Variants in PDHB observed in about 807,000 individuals in gnomAD.
The protein encoded by PDHB is pyruvate dehydrogenase E1 component subunit beta, mitochondrial.
In PDHB, 17 loss-of-function variants were observed where a neutral mutation model predicts 42.8. The ratio of observed to expected loss-of-function variants is 0.40; its 90% CI spans 0.27 to 0.60. The LOEUF (loss-of-function observed/expected upper bound fraction) is 0.60, where lower values mean the gene tolerates loss of function less well. PDHB is among the 20% of genes least tolerant of loss of function. The pLI, the probability that PDHB is intolerant of heterozygous loss-of-function variation, is 0.46. For missense variants in PDHB, 322 were observed against 451.3 expected (o/e 0.71, Z 2.60); for synonymous variants, 154 against 148.7 (o/e 1.04, Z -0.26).
At position 58,427,952 on chromosome 3, in the gene PDHB, G is replaced by T; in HGVS notation, c.*82C>A. The T allele has an allele frequency of 9.9e-7, 1 of 1,013,914 alleles. No individual in the cohort carries two copies. Among genetic ancestry groups the T allele is most frequent in the Non-Finnish European group, 1.5e-6 (1 of 654,554 alleles). The allele number at this position is 1,013,914 out of a possible 1,614,324, so 62.8% of individuals were successfully genotyped here. ...TAGAAATCGTTTTCCGTTATGAATA[G>T]TCAGGTCTTGCAGTACAAATCCAGG... On this transcript the variant is annotated 3_prime_UTR_variant, in exon 10 of 10. Transcript: ENST00000302746.
rs1418680590 is a variant in PDHB at position 58,428,184 on chromosome 3, G to A, written c.935-5C>T. ...CCAGGAAATTGAACGCAGGACCTAG[G>A]AGAAGGAAGGCTCAACTGAGAGAGT... On this transcript the variant is annotated splice_polypyrimidine_tract_variant and splice_region_variant and intron_variant, in intron 9 of 9. Transcript: ENST00000302746. 1 of 1,613,926 alleles carries A rather than the reference G, an allele frequency of 6.2e-7. No individual in the cohort carries two copies. Among genetic ancestry groups the A allele is most frequent in the African/African-American group, 1.3e-5 (1 of 75,050 alleles).
In PDHB at chr3:58,431,179, T is replaced by G. The variant is rs7636609; in HGVS notation, c.304-237A>C. On this transcript the variant is annotated intron_variant, in intron 5 of 9. Coordinates refer to ENST00000302746, the MANE Select transcript of PDHB (RefSeq NM_000925.4). The surrounding 1 kb of genome is among the most constrained non-coding windows in gnomAD (Gnocchi z 4.4). ...CCTCAGCATCCCGAGTAGCTGGGAC[T>G]GCAGGCAAGCACCACCACATCTACC... The G allele has an allele frequency of 0.092, 51,920 of 565,366 alleles. 3,653 individuals are homozygous for G. Among genetic ancestry groups the G allele is most frequent in the African/African-American group, 0.27 (14,547 of 53,276 alleles). 35.0% of individuals were successfully genotyped at this position (565,366 alleles called of 1,614,324 possible). A position where few individuals can be genotyped will look rare whatever the true frequency, so the allele number is the denominator to read the frequency against.
Position 58,433,820 on chromosome 3 carries a change from T to G in PDHB, c.-11A>C. 6.2e-7 allele frequency: 1 copy of G among 1,609,372 alleles called. No individual in the cohort carries two copies. The highest frequency in any genetic ancestry group is 8.5e-7 in the Non-Finnish European group (1 of 1,178,592). ...AGACACCGCCGCCATCTTGGTCGTG[T>G]CCTCTATCCGCTGCCAAACGACAAC... On this transcript the variant is annotated 5_prime_UTR_variant, in exon 1 of 10. Transcript: ENST00000302746.
chr3:58,428,437 C>T (rs1168380552), intron 9 of PDHB, 36 bp downstream of exon 9: 2 of 1,607,586 alleles, frequency 1.2e-6, no homozygotes, highest in East Asian at 2.2e-5. Flanking sequence ...TTTACTATAG[C>T]TTGACTGTAT....
At chr3:58,432,134 T>C (rs1460331170) in intron 2 of PDHB, 150 bp from the exon 3 acceptor site, 4 of 688,778 alleles carry the variant, frequency 5.8e-6, no homozygotes, top group Non-Finnish European at 8.0e-6. Flanking sequence ...ATTCTAAAAG[T>C]AACATTTCTA....
chr3:58,431,426 T>C lies in PDHB; in HGVS notation c.303+167A>G. Reference sequence around the variant, plus strand: ...TGGCTAGGCACAGTGGCGCGACCTGTAACCCCAGCCACTATGGAGGCTGAG... The same window carrying C: ...TGGCTAGGCACAGTGGCGCGACCTGCAACCCCAGCCACTATGGAGGCTGAG... On this transcript the variant is annotated intron_variant, in intron 5 of 9. Coordinates refer to ENST00000302746, the MANE Select transcript of PDHB (RefSeq NM_000925.4). The surrounding 1 kb of genome is among the most constrained non-coding windows in gnomAD (Gnocchi z 4.4). The C allele has an allele frequency of 1.5e-6, 1 of 667,010 alleles. No individual in the cohort carries two copies. The highest frequency in any genetic ancestry group is 2.7e-5 in the East Asian group (1 of 37,384). The allele number at this position is 667,010 out of a possible 1,614,324, so 41.3% of individuals were successfully genotyped here. A position where few individuals can be genotyped will look rare whatever the true frequency, so the allele number is the denominator to read the frequency against.
chr3:58,433,556 C>T, intron 2 of PDHB, 75 bp downstream of exon 2: 13 of 1,493,816 alleles, frequency 8.7e-6, no homozygotes, highest in Non-Finnish European at 1.2e-5. Context: ...ACAGCGCAGG[C>T]GCGACTCCGG....
intron 9 of PDHB, 46 bp downstream of exon 9, chr3:58,428,427 T>C (rs2062892013): frequency 6.3e-7 from 1 of 1,597,318 alleles, no homozygotes; most frequent in African/African-American, 1.3e-5. Flanking sequence ...GTACATGATG[T>C]TTACTATAGC....
chr3:58,433,209 G>A, intron 2 of PDHB: 1 of 261,220 alleles, frequency 3.8e-6, no homozygotes, highest in Non-Finnish European at 7.4e-6. Context: ...AGGGAAATGA[G>A]GAGTTACCGA....
intron 2 of PDHB, 138 bp from the exon 3 acceptor site, chr3:58,432,122 G>A (rs2062925783): frequency 1.4e-6 from 1 of 705,842 alleles, no homozygotes; most frequent in South Asian, 1.6e-5. Flanking sequence ...AAAACTCAAA[G>A]AATTCTAAAA....
Position 58,431,556 on chromosome 3 carries a change from A to G in PDHB, c.303+37T>C, listed in dbSNP as rs2062920761. ...AAAAGAAAAAAAAAGAAAACAAGAA[A>G]TGTCTTTGGATAAGTTTCATAAAGA... On this transcript the variant is annotated intron_variant, in intron 5 of 9. Transcript: ENST00000302746. This position sits in a 1 kb window ranked among gnomAD's most constrained non-coding sequence, Gnocchi z 4.4. 17 of 1,528,172 alleles carry G rather than the reference A, an allele frequency of 1.1e-5. No individual in the cohort carries two copies. The highest frequency in any genetic ancestry group is 1.4e-5 in the Non-Finnish European group (16 of 1,103,844). 94.7% of individuals were successfully genotyped at this position (1,528,172 alleles called of 1,614,324 possible).
chr3:58,431,253 T>C lies in PDHB; in HGVS notation c.304-311A>G. 2 of 463,504 alleles carry C rather than the reference T, an allele frequency of 4.3e-6. No homozygotes were observed. The highest frequency in any genetic ancestry group is 7.8e-6 in the Non-Finnish European group (2 of 254,882). The allele number at this position is 463,504 out of a possible 1,614,324, so 28.7% of individuals were successfully genotyped here. On this transcript the variant is annotated intron_variant, in intron 5 of 9. Coordinates refer to ENST00000302746, the MANE Select transcript of PDHB (RefSeq NM_000925.4). This position sits in a 1 kb window ranked among gnomAD's most constrained non-coding sequence, Gnocchi z 4.4. ...CAAATGATGTTTTTAAAAGGTGATG[T>C]TAAATCTCTTTGGGGATGGGCACAG...
rs758723673 is a variant in PDHB at position 58,433,751 on chromosome 3, C to G, written c.42+17G>C. The G allele has an allele frequency of 2.5e-6, 4 of 1,612,190 alleles. No individual in the cohort carries two copies. The South Asian group carries it at 4.4e-5, about 18-fold the overall frequency. Reference sequence around the variant, plus strand: ...GCAGGGGTCGCGTGGGAATACAGGCCGCGCGCTGCTGCCTACCTCCCGAAG... The same window carrying G: ...GCAGGGGTCGCGTGGGAATACAGGCGGCGCGCTGCTGCCTACCTCCCGAAG... On this transcript the variant is annotated intron_variant, in intron 1 of 9. Transcript: ENST00000302746.
In PDHB at chr3:58,431,664, T is replaced by C. The variant is rs537881892; in HGVS notation, c.268-36A>G. 12 of 1,606,232 alleles carry C rather than the reference T, an allele frequency of 7.5e-6. No individual in the cohort carries two copies. In the East Asian group the frequency reaches 2.0e-4, roughly 27 times the overall value. ...AAATATAAACATAAGTGAAAATCCA[T>C]AAAAATGAGGATAATGGACACTAAC... On this transcript the variant is annotated intron_variant, in intron 4 of 9. Coordinates refer to ENST00000302746, the MANE Select transcript of PDHB (RefSeq NM_000925.4). The surrounding 1 kb of genome is among the most constrained non-coding windows in gnomAD (Gnocchi z 4.4).
intron 2 of PDHB, chr3:58,432,713 G>A (rs1220531557): frequency 6.7e-6 from 1 of 149,230 alleles, no homozygotes; most frequent in Non-Finnish European, 1.5e-5. Context: ...AAAAGAAAAT[G>A]TCGGGCTGAG....
At position 58,431,319 on chromosome 3, in the gene PDHB, C is replaced by T. The variant is rs897192431; in HGVS notation, c.303+274G>A. 3.0e-5 allele frequency: 14 copies of T among 474,142 alleles called. No individual in the cohort carries two copies. Among genetic ancestry groups the T allele is most frequent in the East Asian group, 1.6e-4 (4 of 24,546 alleles). 29.4% of individuals were successfully genotyped at this position (474,142 alleles called of 1,614,324 possible). A position where few individuals can be genotyped will look rare whatever the true frequency, so the allele number is the denominator to read the frequency against. On this transcript the variant is annotated intron_variant, in intron 5 of 9. Transcript: ENST00000302746. The surrounding 1 kb of genome is among the most constrained non-coding windows in gnomAD (Gnocchi z 4.4). ...ATCCCAGCACTTTGGGAGGCCAAGG[C>T]GGTCGGATCACTTGAGGCCAGGAGT...
chr3:58,431,371 A>G lies in PDHB; in HGVS notation c.303+222T>C, dbSNP rs2062918754. ...CAAGACCAGCCTGGCCAACATGGTA[A>G]AACCCCATCTCTACTAAAAACACAA... On this transcript the variant is annotated intron_variant, in intron 5 of 9. Transcript: ENST00000302746. The surrounding 1 kb of genome is among the most constrained non-coding windows in gnomAD (Gnocchi z 4.4). The G allele has an allele frequency of 5.5e-6, 3 of 540,584 alleles. No individual in the cohort carries two copies. The East Asian group carries it at 9.8e-5, about 18-fold the overall frequency. The allele number at this position is 540,584 out of a possible 1,614,324, so 33.5% of individuals were successfully genotyped here. A position where few individuals can be genotyped will look rare whatever the true frequency, so the allele number is the denominator to read the frequency against.
intron 2 of PDHB, chr3:58,433,392 G>T: frequency 1.7e-6 from 1 of 598,166 alleles, no homozygotes; most frequent in East Asian, 2.8e-5. Context: ...TGGAGTGAGG[G>T]AGGAAACGCC....
At chr3:58,432,134 T>G (rs1460331170) in intron 2 of PDHB, 150 bp from the exon 3 acceptor site, 1 of 688,778 alleles carries the variant, frequency 1.5e-6, no homozygotes, top group African/African-American at 1.8e-5. Context: ...ATTCTAAAAG[T>G]AACATTTCTA....
Sources: gnomAD v4.1 joint callset for allele counts on GRCh38, gnomAD v4.1.1 for gene constraint, Gnocchi (gnomAD v3.1) non-coding constraint, MANE v1.5 for transcripts, NCBI Gene and HGNC (gene_info 2026-07-23, HGNC 2026-07-21) for gene names.